Variants in SORBS2 observed in about 807,000 individuals in gnomAD.
SORBS2 encodes sorbin and SH3 domain-containing protein 2.
A neutral mutation model predicts 97.7 loss-of-function variants in SORBS2; 46 were observed. The ratio of observed to expected loss-of-function variants is 0.47; its 90% CI spans 0.37 to 0.60. The LOEUF is 0.60. SORBS2 is among the 20% of genes least tolerant of loss of function. The probability of loss-of-function intolerance (pLI) is 0.00; values close to 1 mark genes in which losing one functional copy is unlikely to be tolerated. For missense variants in SORBS2, 1,316 were observed against 1,282.3 expected (o/e 1.03, Z -0.40); for synonymous variants, 476 against 473.4 (o/e 1.01, Z -0.07).
At position 185,751,190 on chromosome 4, in the gene SORBS2, A is replaced by AAAAG; in HGVS notation, c.-198+24036_-198+24037insCTTT. 4.0e-3 allele frequency among the ~76,000 whole-genome samples: 347 copies of AAAAG among 86,304 alleles called. 9 individuals carry two copies. Among genetic ancestry groups the AAAAG allele is most frequent in the African/African-American group, 0.012 (295 of 24,306 alleles). 56.6% of individuals were successfully genotyped at this position (86,304 alleles called of 152,430 possible). On this transcript the variant is annotated intron_variant, in intron 2 of 20. Transcript: ENST00000284776. Reference sequence around the variant, plus strand: ...TAAATACTAAAAAAAAAAAAAAAAAAAGAGAAAGAGAGAGAAATTCAGGAA... The same window carrying AAAAG: ...TAAATACTAAAAAAAAAAAAAAAAAAAAAGAGAGAAAGAGAGAGAAATTCAGGAA...
intron 12 of SORBS2, among the ~76,000 whole-genome samples, chr4:185,605,858 T>G (rs1330930866): frequency 1.3e-5 from 2 of 152,232 alleles, no homozygotes; most frequent in African/African-American, 4.8e-5. Flanking sequence ...GTGCTGGCGT[T>G]GCAGGCTCGT....
chr4:185,943,565 A>G (rs2099273125), intron 1 of SORBS2, among the ~76,000 whole-genome samples: 2 of 152,244 alleles, frequency 1.3e-5, no homozygotes, highest in South Asian at 4.1e-4. Context: ...GACGTTTTAC[A>G]AGACAATTGG....
chr4:185,857,417 T>C (rs1426958500), intron 1 of SORBS2, among the ~76,000 whole-genome samples: 11 of 152,168 alleles, frequency 7.2e-5, no homozygotes, highest in Admixed American at 6.5e-4. Flanking sequence ...CCTGTGATGA[T>C]TGTGTTAACT....
intron 2 of SORBS2, among the ~76,000 whole-genome samples, chr4:185,681,063 A>G (rs1407094585): frequency 6.6e-6 from 1 of 152,168 alleles, no homozygotes; most frequent in Non-Finnish European, 1.5e-5. Context: ...CAGAATTAAG[A>G]GAAAGGAGAA....
intron 2 of SORBS2, among the ~76,000 whole-genome samples, chr4:185,768,108 G>A (rs1482725879): frequency 3.3e-5 from 5 of 152,076 alleles, no homozygotes; most frequent in Admixed American, 3.3e-4. Flanking sequence ...CTAGAGTTCT[G>A]GGGGACTTCA....
intron 4 of SORBS2, chr4:185,676,910 A>G: frequency 9.7e-7 from 1 of 1,029,434 alleles, no homozygotes; most frequent in Non-Finnish European, 1.4e-6. Flanking sequence ...AGAAAGCATT[A>G]GGTCATATAA....
At chr4:185,780,569 A>G (rs2099023613) in intron 1 of SORBS2, among the ~76,000 whole-genome samples, 1 of 152,224 alleles carries the variant, frequency 6.6e-6, no homozygotes, top group African/African-American at 2.4e-5. Flanking sequence ...AAAGGCAGAT[A>G]GAGGCATGGG....
chr4:185,764,320 T>C (rs2098921693), intron 2 of SORBS2, among the ~76,000 whole-genome samples: 2 of 152,174 alleles, frequency 1.3e-5, no homozygotes. Context: ...ATGTATACAC[T>C]GCTAGATTCA....
At chr4:185,840,568 G>A (rs1561224752) in intron 1 of SORBS2, among the ~76,000 whole-genome samples, 1 of 152,066 alleles carries the variant, frequency 6.6e-6, no homozygotes, top group Non-Finnish European at 1.5e-5. Context: ...TAGGCAGGAG[G>A]AAACAAGATG....
chr4:185,750,385 C>T (rs146938372), intron 2 of SORBS2, among the ~76,000 whole-genome samples: 24 of 152,308 alleles, frequency 1.6e-4, no homozygotes, highest in African/African-American at 4.1e-4. Context: ...GAACTGAGAG[C>T]GGGTCTGCAT....
chr4:185,868,155 C>CTTTTGTTTTTTTTTTTTTTTTTTTTTTT (rs1431293135), intron 1 of SORBS2, among the ~76,000 whole-genome samples: 1 of 100,720 alleles, frequency 9.9e-6, no homozygotes, highest in Non-Finnish European at 1.9e-5. Flanking sequence ...TTCTTTTTTT[C>CTTTTGTTTTTTTTTTTTTTTTTTTTTTT]TTTCTTTTTT....
intron 12 of SORBS2, among the ~76,000 whole-genome samples, chr4:185,611,149 A>G (rs935500301): frequency 1.3e-5 from 2 of 152,278 alleles, no homozygotes; most frequent in East Asian, 3.9e-4. Flanking sequence ...AGGACTTATA[A>G]TAACCGACAA....
chr4:185,941,921 G>T (rs1349362666), intron 1 of SORBS2, among the ~76,000 whole-genome samples: 1 of 152,080 alleles, frequency 6.6e-6, no homozygotes, highest in Non-Finnish European at 1.5e-5. Context: ...ATCGAGACCA[G>T]CCTGGCCAAT....
intron 4 of SORBS2, among the ~76,000 whole-genome samples, chr4:185,674,658 A>G (rs966649655): frequency 6.6e-5 from 10 of 151,934 alleles, no homozygotes; most frequent in Non-Finnish European, 1.2e-4. Flanking sequence ...GGTCTTTGTT[A>G]CCTCTGACTT....
rs1265141733 is a variant in SORBS2 at position 185,607,333 on chromosome 4, G to A, written c.2796+4447C>T. The A allele has an allele frequency of 6.2e-6, 8 of 1,286,786 alleles. No individual in the cohort carries two copies. Among genetic ancestry groups the A allele is most frequent in the Non-Finnish European group, 8.1e-6 (8 of 987,424 alleles). The allele number at this position is 1,286,786 out of a possible 1,614,324, so 79.7% of individuals were successfully genotyped here. A position where few individuals can be genotyped will look rare whatever the true frequency, so the allele number is the denominator to read the frequency against. On this transcript the variant is annotated intron_variant, in intron 12 of 14. Transcript: ENST00000418609. This position sits in a 1 kb window ranked among gnomAD's most constrained non-coding sequence, Gnocchi z 5.2. Reference sequence around the variant, plus strand: ...GACTTTGTGGGTGGGAGGAGGGGCTGGTTCACTGGAAGCCAACTTGGAAAT... The same window carrying A: ...GACTTTGTGGGTGGGAGGAGGGGCTAGTTCACTGGAAGCCAACTTGGAAAT...
chr4:185,686,146 A>G (rs2097954172), intron 2 of SORBS2, among the ~76,000 whole-genome samples: 2 of 152,298 alleles, frequency 1.3e-5, no homozygotes, highest in Non-Finnish European at 2.9e-5. Context: ...ATAACCACCG[A>G]TATAATAATA....
At chr4:185,847,194 G>A (rs1390897601) in intron 1 of SORBS2, among the ~76,000 whole-genome samples, 1 of 152,116 alleles carries the variant, frequency 6.6e-6, no homozygotes, top group Non-Finnish European at 1.5e-5. Context: ...CTGCTCCAGT[G>A]GACTTTTTAC....
chr4:185,614,629 G>T, intron 11 of SORBS2: 2 of 574,894 alleles, frequency 3.5e-6, no homozygotes, highest in Non-Finnish European at 5.9e-6. Context: ...ATCCCACGGG[G>T]AACTCCTCTA....
In SORBS2 at chr4:185,780,007, A is replaced by ATTTTT. The variant is rs538693770; in HGVS notation, c.-337-4646_-337-4642dup. 9.2e-4 allele frequency among the ~76,000 whole-genome samples: 90 copies of ATTTTT among 98,108 alleles called. 1 individual carries two copies. The East Asian group carries it at 9.3e-3, about 10-fold the overall frequency. The allele number at this position is 98,108 out of a possible 152,430, so 64.4% of individuals were successfully genotyped here. On this transcript the variant is annotated intron_variant, in intron 1 of 20. Transcript: ENST00000284776. Reference sequence around the variant, plus strand: ...TGAAGGCTAGACTAAGTAGAGTAACATTTTTTTTTTTTTTTTTTTTTTTTT... The same window carrying ATTTTT: ...TGAAGGCTAGACTAAGTAGAGTAACATTTTTTTTTTTTTTTTTTTTTTTTTTTTTT...
Sources: gnomAD v4.1 joint callset for allele counts (sites outside exome capture counted in the v4.1 genomes callset) on GRCh38, gnomAD v4.1.1 for gene constraint, Gnocchi (gnomAD v3.1) non-coding constraint, MANE v1.5 for transcripts, NCBI Gene and HGNC (gene_info 2026-07-23, HGNC 2026-07-21) for gene names.